UBE2C: variants seen among roughly 807,000 people sequenced by gnomAD.
UBE2C encodes the protein ubiquitin-conjugating enzyme E2 C.
In UBE2C, 16 loss-of-function variants were observed where a neutral mutation model predicts 23.5. That is an observed-to-expected ratio of 0.68 (90% CI 0.46 to 1.03). The LOEUF is 1.03. Ranked by LOEUF, UBE2C falls within the 50% of genes least tolerant of loss-of-function variation. The pLI, the probability that UBE2C is intolerant of heterozygous loss-of-function variation, is 0.00. For synonymous variants in UBE2C, 76 were observed against 91.6 expected (o/e 0.83, Z 0.97); for missense variants, 192 against 227.6 (o/e 0.84, Z 1.01).
intron 1 of UBE2C, chr20:45,813,032 G>T (rs1240333317): frequency 7.0e-7 from 1 of 1,424,090 alleles, no homozygotes; most frequent in Admixed American, 2.9e-5. Context: ...TGGGGGACAG[G>T]CCAGGAGCTC....
At chr20:45,813,293 G>GAGTAT in intron 1 of UBE2C, 144 bp from the exon 2 acceptor site, 2 of 1,552,068 alleles carry the variant, frequency 1.3e-6, no homozygotes, top group East Asian at 4.5e-5. Context: ...TGGATCTGGT[G>GAGTAT]AGTATACCCT....
In UBE2C at chr20:45,812,766, G is replaced by T. The variant is rs1368653521; in HGVS notation, c.71G>T (p.Gly24Val). The change falls in exon 1 of 6, where the codon GGG becomes GTG. Residue 24 changes from glycine to valine, a missense_variant. Gly to Val is a moderately radical substitution (Grantham distance 109). Coordinates refer to ENST00000356455, the MANE Select transcript of UBE2C (RefSeq NM_007019.4). ...GCCCGTAAAGGAGCTGAGCCGAGCG[G>T]GGGCGCCGCCCGGGGTCCGGTGGGC... ...AAARKGAEPS[G>V]GAARGPVGKR... is the part of the protein sequence containing the mutation. The T allele has an allele frequency of 6.4e-7, 1 of 1,557,648 alleles. No individual in the cohort carries two copies. Among genetic ancestry groups the T allele is most frequent in the Non-Finnish European group, 8.7e-7 (1 of 1,150,786 alleles).
chr20:45,812,761 G>C lies in UBE2C; in HGVS notation c.66G>C (p.Pro22=), dbSNP rs759881112. The C allele has an allele frequency of 2.2e-5, 34 of 1,557,598 alleles. 2 individuals are homozygous for C. In the South Asian group the frequency reaches 2.7e-4, roughly 12 times the overall value. Reference sequence around the variant, plus strand: ...CCGCCGCCCGTAAAGGAGCTGAGCCGAGCGGGGGCGCCGCCCGGGGTCCGG... The same window carrying C: ...CCGCCGCCCGTAAAGGAGCTGAGCCCAGCGGGGGCGCCGCCCGGGGTCCGG... The part of the protein sequence containing the change: ...SVAAARKGAE[P]SGGAARGPVG... The change falls in exon 1 of 6, where the codon CCG becomes CCC. Residue 22 remains proline, a synonymous_variant. Transcript: ENST00000356455.
At position 45,815,898 on chromosome 20, in the gene UBE2C, T is replaced by C. The variant is rs776802939; in HGVS notation, c.466T>C (p.Trp156Arg). Residue 156 changes from tryptophan (W) to arginine (R), a missense_variant, in exon 5 of 6, where the codon TGG (tryptophan) becomes CGG (arginine). Coordinates refer to ENST00000356455, the MANE Select transcript of UBE2C (RefSeq NM_007019.4). Reference protein sequence around the residue: ...SPLNTHAAELWKNPTAFKKYL... With the variant: ...SPLNTHAAELRKNPTAFKKYL... Reference sequence around the variant, plus strand: ...CTTGAACACACATGCTGCCGAGCTCTGGAAAAACCCCACAGGTGAGTCCTC... The same window carrying C: ...CTTGAACACACATGCTGCCGAGCTCCGGAAAAACCCCACAGGTGAGTCCTC... 6.2e-7 allele frequency: 1 copy of C among 1,614,044 alleles called. No individual in the cohort carries two copies. Among genetic ancestry groups the C allele is most frequent in the South Asian group, 1.1e-5 (1 of 91,076 alleles).
rs1274157914 is a variant in UBE2C, at chr20:45,815,869, G to A, written c.437G>A (p.Ser146Asn). Residue 146 changes from serine (S) to asparagine (N), a missense_variant, in exon 5 of 6, where the codon AGT becomes AAT. Coordinates refer to ENST00000356455, the MANE Select transcript of UBE2C (RefSeq NM_007019.4). ...CCACCCACAGAACCCAACATTGATAGTCCCTTGAACACACATGCTGCCGAG... is the reference window on the plus strand; with the variant it reads ...CCACCCACAGAACCCAACATTGATAATCCCTTGAACACACATGCTGCCGAG... ...QSLLGEPNIDSPLNTHAAELW... is the reference protein window; with the variant it reads ...QSLLGEPNIDNPLNTHAAELW... 2 of 1,613,956 alleles carry A rather than the reference G, an allele frequency of 1.2e-6. No homozygotes were observed. The highest frequency in any genetic ancestry group is 1.3e-5 in the African/African-American group (1 of 74,892).
In UBE2C at chr20:45,813,438, C is replaced by G; in HGVS notation, c.103C>G (p.Leu35Val). 1 of 1,614,156 alleles carries G rather than the reference C, an allele frequency of 6.2e-7. No individual in the cohort carries two copies. Among genetic ancestry groups the G allele is most frequent in the Non-Finnish European group, 8.5e-7 (1 of 1,180,034 alleles). ...GAARGPVGKR[L>V]QQELMTLMMS... ...TAACCCCGAATACTCTTTTTTCAGG[C>G]TACAGCAGGAGCTGATGACCCTCAT... The change falls in exon 2 of 6, where the codon CTA becomes GTA. Residue 35 changes from leucine to valine, a missense_variant and splice_region_variant. By Grantham distance (32) the Leu-to-Val change is conservative (BLOSUM62 1). Transcript: ENST00000356455.
chr20:45,812,662 T>A lies in UBE2C; in HGVS notation c.-34T>A, dbSNP rs1483294848. On this transcript the variant is annotated 5_prime_UTR_variant, in exon 1 of 6. Transcript: ENST00000356455. ...CAGTCCTGCAGTTGCAGTCGTGTTC[T>A]CCGAGTTCCTGTCTCTCTGCCAACG... The A allele has an allele frequency of 1.3e-6, 2 of 1,550,030 alleles. No homozygotes were observed. Among genetic ancestry groups the A allele is most frequent in the South Asian group, 2.4e-5 (2 of 84,062 alleles).
In UBE2C at chr20:45,816,676, A is replaced by G. The variant is rs377348063; in HGVS notation, c.482-33A>G. On this transcript the variant is annotated intron_variant, in intron 5 of 5. Transcript: ENST00000356455. ...GTAAAGATTAACTCATCCTGTCTCC[A>G]TCACTCACTGAGACCTGCCTGTTCT... 63 of 1,598,266 alleles carry G rather than the reference A, an allele frequency of 3.9e-5. No individual in the cohort carries two copies. The African/African-American group carries it at 7.8e-4, about 20-fold the overall frequency.
At chr20:45,814,265 TGTGAGC>T (rs1489170138) in intron 2 of UBE2C, 113 bp from the exon 3 acceptor site, 1 of 356,260 alleles carries the variant, frequency 2.8e-6, no homozygotes, top group African/African-American at 3.5e-5. Flanking sequence ...TGTGTGTGTA[TGTGAGC>T]ATATATATAT....
At chr20:45,813,255 AG>A (rs1196655624) in intron 1 of UBE2C, 181 bp from the exon 2 acceptor site, 1 of 1,498,956 alleles carries the variant, frequency 6.7e-7, no homozygotes, top group African/African-American at 1.4e-5. Context: ...GGAATTAGGG[AG>A]GGTGAGGACT....
chr20:45,812,647 G>A lies in UBE2C; in HGVS notation c.-49G>A. ...GGGCGGGCGGGCCCGCAGTCCTGCAGTTGCAGTCGTGTTCTCCGAGTTCCT... is the reference window on the plus strand; with the variant it reads ...GGGCGGGCGGGCCCGCAGTCCTGCAATTGCAGTCGTGTTCTCCGAGTTCCT... On this transcript the variant is annotated 5_prime_UTR_variant, in exon 1 of 6. Transcript: ENST00000356455. 6.5e-7 allele frequency: 1 copy of A among 1,545,986 alleles called. No individual in the cohort carries two copies. The highest frequency in any genetic ancestry group is 8.8e-7 in the Non-Finnish European group (1 of 1,142,764).
chr20:45,814,303 A>G, intron 2 of UBE2C, 81 bp from the exon 3 acceptor site: 1 of 547,566 alleles, frequency 1.8e-6, no homozygotes, highest in Non-Finnish European at 2.9e-6. Flanking sequence ...TATATATAAA[A>G]TTAAGGGGAA....
intron 2 of UBE2C, among the ~76,000 whole-genome samples, chr20:45,814,032 G>C (rs1353478256): frequency 2.6e-5 from 4 of 151,740 alleles, no homozygotes; most frequent in Admixed American, 2.6e-4. Flanking sequence ...TTGAACCGTG[G>C]AGACAGAGGT....
At chr20:45,815,447 A>G (rs1250409843) in intron 3 of UBE2C, 94 bp from the exon 4 acceptor site, 4 of 1,613,882 alleles carry the variant, frequency 2.5e-6, no homozygotes, top group Non-Finnish European at 3.4e-6. Context: ...TCCCAGAGAA[A>G]CTCAAGATTC....
intron 3 of UBE2C, 96 bp downstream of exon 3, chr20:45,814,566 C>G: frequency 1.1e-6 from 1 of 912,780 alleles, no homozygotes; most frequent in Admixed American, 2.0e-5. Flanking sequence ...CGGAGCAAGA[C>G]ACTCCTCCTG....
At chr20:45,814,065 T>C (rs1982199285) in intron 2 of UBE2C, among the ~76,000 whole-genome samples, 1 of 151,634 alleles carries the variant, frequency 6.6e-6, no homozygotes, top group African/African-American at 2.4e-5. Flanking sequence ...AGCGCACCAC[T>C]GCACTCTAGC....
At chr20:45,815,944 T>A in intron 5 of UBE2C, 31 bp downstream of exon 5, 4 of 1,611,670 alleles carry the variant, frequency 2.5e-6, no homozygotes, top group Non-Finnish European at 3.4e-6. Flanking sequence ...CCCAGGGTGA[T>A]CCCTCCCCCA....
rs1422008900 is a variant in UBE2C, at chr20:45,814,299, T to TATATATATATATATAA, written c.130-84_130-83insTATATATATATATAAA. On this transcript the variant is annotated intron_variant, in intron 2 of 5. Coordinates refer to ENST00000356455, the MANE Select transcript of UBE2C (RefSeq NM_007019.4). Reference sequence around the variant, plus strand: ...ATATATATATATATATATATATATATAAAATTAAGGGGAAAGCTCACCCAC... The same window carrying TATATATATATATATAA: ...ATATATATATATATATATATATATATATATATATATATATAAAAAATTAAGGGGAAAGCTCACCCAC... 6.9e-6 allele frequency: 3 copies of TATATATATATATATAA among 435,940 alleles called. No homozygotes were observed. In the African/African-American group the frequency reaches 1.1e-4, roughly 15 times the overall value. 27.0% of individuals were successfully genotyped at this position (435,940 alleles called of 1,614,324 possible).
In UBE2C at chr20:45,815,363, A is replaced by G. The variant is rs370295230; in HGVS notation, c.217-178A>G. 4.5e-5 allele frequency: 70 copies of G among 1,572,130 alleles called. No individual in the cohort carries two copies. The African/African-American group carries it at 6.6e-4, about 15-fold the overall frequency. On this transcript the variant is annotated intron_variant, in intron 3 of 5. Coordinates refer to ENST00000356455, the MANE Select transcript of UBE2C (RefSeq NM_007019.4). Reference sequence around the variant, plus strand: ...GTGAAACCCTGTCTCTAAAATAAAAACTAAACTAAAAAAACTTTTTAAAAA... The same window carrying G: ...GTGAAACCCTGTCTCTAAAATAAAAGCTAAACTAAAAAAACTTTTTAAAAA...
Sources: gnomAD v4.1 joint callset for allele counts (sites outside exome capture counted in the v4.1 genomes callset) on GRCh38, gnomAD v4.1.1 for gene constraint, MANE v1.5 for transcripts, NCBI Gene and HGNC (gene_info 2026-07-23, HGNC 2026-07-21) for gene names.